Variants in GRK5 observed in about 807,000 individuals in gnomAD.
The protein encoded by GRK5 is g protein-coupled receptor kinase GRK5.
A neutral mutation model predicts 78.4 loss-of-function variants in GRK5; 40 were observed. The ratio of observed to expected loss-of-function variants is 0.51; its 90% CI spans 0.40 to 0.66. The LOEUF (loss-of-function observed/expected upper bound fraction) is 0.66. Among genes scored for constraint, GRK5 ranks in the 30% least tolerant of loss-of-function variants. The pLI is 0.00. For missense variants in GRK5, 598 were observed against 759.9 expected (o/e 0.79, Z 2.50); for synonymous variants, 289 against 296.8 (o/e 0.97, Z 0.27).
intron 4 of GRK5, 46 bp downstream of exon 4, chr10:119,396,818 A>C: frequency 1.4e-6 from 2 of 1,435,950 alleles, no homozygotes; most frequent in Non-Finnish European, 2.0e-6. Context: ...AGGAGGCCTT[A>C]TGCAAAAATA....
At chr10:119,296,030 T>C (rs1460891201) in intron 1 of GRK5, among the ~76,000 whole-genome samples, 1 of 152,184 alleles carries the variant, frequency 6.6e-6, no homozygotes, top group Admixed American at 6.5e-5. Flanking sequence ...GTTTAAACAA[T>C]AGCAAATGTT....
intron 1 of GRK5, among the ~76,000 whole-genome samples, chr10:119,251,874 A>G (rs1431606831): frequency 1.3e-5 from 2 of 151,842 alleles, no homozygotes; most frequent in Non-Finnish European, 2.9e-5. Context: ...GTTGAGAACC[A>G]CTCGCCTCGA....
intron 9 of GRK5, among the ~76,000 whole-genome samples, chr10:119,439,296 G>T (rs1852984720): frequency 6.6e-6 from 1 of 152,238 alleles, no homozygotes; most frequent in Non-Finnish European, 1.5e-5. Context: ...TCCCAAAGGG[G>T]GTCTTTTTCC....
rs547484329 is a variant in GRK5, at chr10:119,393,171, TGGAGGCCTTCCATCC to T, written c.262-3522_262-3508del. ...TCTTAATCAGTGCGAAAAGCCCAGC[TGGAGGCCTTCCATCC>T]GTTTTCCACCTCCCAACACAAATGC... On this transcript the variant is annotated intron_variant, in intron 3 of 15. Coordinates refer to ENST00000392870, the MANE Select transcript of GRK5 (RefSeq NM_005308.3). Among the ~76,000 whole-genome samples the T allele has an allele frequency of 1.4e-4, 22 of 152,352 alleles. No individual in the cohort carries two copies. In the South Asian group the frequency reaches 4.1e-3, roughly 29 times the overall value.
intron 1 of GRK5, among the ~76,000 whole-genome samples, chr10:119,219,826 TAGG>T (rs1411699823): frequency 6.6e-6 from 1 of 152,198 alleles, no homozygotes; most frequent in East Asian, 1.9e-4. Context: ...TCTGTGTGAG[TAGG>T]AGGAGATGTT....
intron 1 of GRK5, among the ~76,000 whole-genome samples, chr10:119,325,283 C>T (rs568897407): frequency 1.3e-5 from 2 of 152,286 alleles, no homozygotes; most frequent in East Asian, 1.9e-4. Flanking sequence ...TCAGAGAGGG[C>T]GGGTGCTTGT....
intron 1 of GRK5, among the ~76,000 whole-genome samples, chr10:119,326,047 A>C (rs973085017): frequency 3.9e-5 from 6 of 152,200 alleles, no homozygotes; most frequent in African/African-American, 1.4e-4. Flanking sequence ...TTGTCCCCCA[A>C]CATCTAGCCT....
intron 2 of GRK5, among the ~76,000 whole-genome samples, chr10:119,361,279 A>G (rs972511825): frequency 6.6e-5 from 10 of 152,122 alleles, no homozygotes; most frequent in African/African-American, 2.4e-4. Context: ...TGGTGCGGGA[A>G]CATGAGCAGA....
chr10:119,284,403 G>A (rs1589721222), intron 1 of GRK5, among the ~76,000 whole-genome samples: 1 of 152,246 alleles, frequency 6.6e-6, no homozygotes, highest in South Asian at 2.1e-4. Context: ...CTCCCAAAGT[G>A]CTGGGATTAC....
intron 1 of GRK5, among the ~76,000 whole-genome samples, chr10:119,325,817 C>T (rs1033508922): frequency 4.6e-5 from 7 of 152,348 alleles, no homozygotes; most frequent in African/African-American, 9.6e-5. Context: ...TGGTTCTGCA[C>T]GTTACACGTG....
intron 9 of GRK5, among the ~76,000 whole-genome samples, chr10:119,438,089 A>G (rs1222600996): frequency 6.6e-6 from 1 of 152,228 alleles, no homozygotes; most frequent in Non-Finnish European, 1.5e-5. Flanking sequence ...ACTCCGTCTC[A>G]AAATAAAATA....
intron 2 of GRK5, among the ~76,000 whole-genome samples, chr10:119,360,838 T>G (rs1033886631): frequency 6.6e-6 from 1 of 152,136 alleles, no homozygotes; most frequent in African/African-American, 2.4e-5. Flanking sequence ...CTGGGAACCC[T>G]GGGAACACAG....
intron 2 of GRK5, chr10:119,333,770 A>G (rs1310664420): frequency 1.9e-6 from 1 of 532,588 alleles, no homozygotes; most frequent in African/African-American, 1.9e-5. Flanking sequence ...TCCACGGGGG[A>G]GCTGAGCGGA....
At chr10:119,408,516 A>G (rs1852282621) in intron 4 of GRK5, among the ~76,000 whole-genome samples, 1 of 152,206 alleles carries the variant, frequency 6.6e-6, no homozygotes, top group South Asian at 2.1e-4. Context: ...GTTCAACCAT[A>G]TAAAGGAATG....
At position 119,322,749 on chromosome 10, in the gene GRK5, G is replaced by C. The variant is rs527840890; in HGVS notation, c.53-3767G>C. ...CTGTATTGTCAAGAGTGCTTCATCA[G>C]TTCCCCCAAAACTTAAACATATATA... On this transcript the variant is annotated intron_variant, in intron 1 of 15. Transcript: ENST00000392870. Among the ~76,000 whole-genome samples the C allele has an allele frequency of 2.6e-5, 4 of 152,246 alleles. No homozygotes were observed. The South Asian group carries it at 8.3e-4, about 32-fold the overall frequency.
chr10:119,308,721 C>T (rs572669687), intron 1 of GRK5, among the ~76,000 whole-genome samples: 6 of 152,400 alleles, frequency 3.9e-5, no homozygotes, highest in African/African-American at 1.4e-4. Context: ...TGCACAGGCA[C>T]TGTGGCTGCC....
Position 119,430,267 on chromosome 10 carries a change from G to A in GRK5, c.534-108G>A. 1 of 930,422 alleles carries A rather than the reference G, an allele frequency of 1.1e-6. No individual in the cohort carries two copies. Among genetic ancestry groups the A allele is most frequent in the South Asian group, 1.4e-5 (1 of 73,568 alleles). The allele number at this position is 930,422 out of a possible 1,614,324, so 57.6% of individuals were successfully genotyped here. On this transcript the variant is annotated intron_variant, in intron 6 of 15. Transcript: ENST00000392870. This position sits in a 1 kb window ranked among gnomAD's most constrained non-coding sequence, Gnocchi z 4.5. ...TGGGGGGTCCCTGGGGCTGCTGTGG[G>A]GCTCCTGGAATTATACCCCACCCCA...
chr10:119,328,445 C>T (rs1294139582), intron 2 of GRK5, among the ~76,000 whole-genome samples: 1 of 152,094 alleles, frequency 6.6e-6, no homozygotes, highest in South Asian at 2.1e-4. Flanking sequence ...GGGGAGGAGA[C>T]CTTAGTTGCC....
intron 5 of GRK5, among the ~76,000 whole-genome samples, chr10:119,424,227 A>T (rs541012489): frequency 1.3e-5 from 2 of 152,182 alleles, no homozygotes; most frequent in Admixed American, 1.3e-4. Flanking sequence ...GCTCCCAACG[A>T]TGGCTTTCAG....
Sources: gnomAD v4.1 joint callset for allele counts (sites outside exome capture counted in the v4.1 genomes callset) on GRCh38, gnomAD v4.1.1 for gene constraint, Gnocchi (gnomAD v3.1) non-coding constraint, MANE v1.5 for transcripts, NCBI Gene and HGNC (gene_info 2026-07-23, HGNC 2026-07-21) for gene names.